The following SAMD5 variants were observed in gnomAD, a reference collection of about 807,000 sequenced individuals.
The protein encoded by SAMD5 is sterile alpha motif domain-containing protein 5.
A neutral mutation model predicts 11.3 loss-of-function variants in SAMD5; 13 were observed. The observed-to-expected ratio is 1.15, with a 90% CI of 0.75 to 1.83. The LOEUF (loss-of-function observed/expected upper bound fraction) is 1.83. Ranked by LOEUF, SAMD5 falls within the 40% of genes most tolerant of loss-of-function variation. The pLI is 0.00. For missense variants in SAMD5, 255 were observed against 239.1 expected (o/e 1.07, Z -0.44); for synonymous variants, 129 against 111.3 (o/e 1.16, Z -1.00).
chr6:147,672,077 G>A (rs531360544), intron 1 of SAMD5, among the ~76,000 whole-genome samples: 26 of 151,784 alleles, frequency 1.7e-4, no homozygotes, highest in African/African-American at 2.9e-4. Context: ...CAGGAACATG[G>A]TTAACCTCTC....
the SAMD5 span, among the ~76,000 whole-genome samples, chr6:147,926,079 A>G: frequency 5.3e-5 from 8 of 152,106 alleles, no homozygotes; most frequent in Admixed American, 3.3e-4. Context: ...TCTTCATCCA[A>G]TCTGTCGTTG....
At chr6:147,934,064 C>T in the SAMD5 span, among the ~76,000 whole-genome samples, 1 of 152,102 alleles carries the variant, frequency 6.6e-6, no homozygotes, top group African/African-American at 2.4e-5. Context: ...GGCATAATTC[C>T]CCCACCCACT....
chr6:147,731,602 G>T lies in SAMD5; in HGVS notation c.163-5715G>T, dbSNP rs1441012109. Among the ~76,000 whole-genome samples, 7 of 130,402 alleles carry T rather than the reference G, an allele frequency of 5.4e-5. No individual in the cohort carries two copies. The Admixed American group carries it at 6.3e-4, about 12-fold the overall frequency. The allele number at this position is 130,402 out of a possible 152,430, so 85.5% of individuals were successfully genotyped here. On this transcript the variant is annotated intron_variant, in intron 1 of 1. Coordinates refer to the SAMD5 transcript ENST00000566741. ...TTTAGTTTCCCAGTGAATAATCTAC[G>T]TTTAAAATTACTGTTAACACTTTAC...
At chr6:147,513,523 C>A (rs1472654571) in intron 1 of SAMD5, among the ~76,000 whole-genome samples, 2 of 152,094 alleles carry the variant, frequency 1.3e-5, no homozygotes, top group Non-Finnish European at 2.9e-5. Context: ...GTGTGAGATG[C>A]CTGTGGAATG....
At chr6:147,643,790 AAG>A (rs1790351237) in intron 1 of SAMD5, among the ~76,000 whole-genome samples, 2 of 151,328 alleles carry the variant, frequency 1.3e-5, no homozygotes, top group Admixed American at 1.3e-4. Flanking sequence ...GGAAGGAAGG[AAG>A]GAAAGAGAGA....
At chr6:147,600,403 C>T (rs1204310822) in intron 1 of SAMD5, among the ~76,000 whole-genome samples, 1 of 152,074 alleles carries the variant, frequency 6.6e-6, no homozygotes, top group South Asian at 2.1e-4. Flanking sequence ...TTCTTCTTGG[C>T]TTCAGATAGA....
At chr6:147,884,853 G>A in the SAMD5 span, among the ~76,000 whole-genome samples, 762 of 152,172 alleles carry the variant, frequency 5.0e-3, 4 homozygotes, top group Non-Finnish European at 6.3e-3. Flanking sequence ...TAGCTGTCTG[G>A]CGCAATATTT....
intron 1 of SAMD5, among the ~76,000 whole-genome samples, chr6:147,708,417 A>G (rs1478790934): frequency 6.6e-6 from 1 of 152,178 alleles, no homozygotes; most frequent in East Asian, 1.9e-4. Flanking sequence ...CTGTTGTTTA[A>G]GCCACCCAGT....
At chr6:147,532,778 A>C (rs1263268025) in intron 1 of SAMD5, among the ~76,000 whole-genome samples, 1 of 152,124 alleles carries the variant, frequency 6.6e-6, no homozygotes, top group African/African-American at 2.4e-5. Flanking sequence ...TTTTCACCAC[A>C]TCCACACCAA....
the SAMD5 span, among the ~76,000 whole-genome samples, chr6:147,845,971 C>G: frequency 6.6e-6 from 1 of 151,962 alleles, no homozygotes; most frequent in East Asian, 1.9e-4. Flanking sequence ...TAGAAACAAC[C>G]CAGGTTTCCA....
intron 1 of SAMD5, among the ~76,000 whole-genome samples, chr6:147,736,397 A>G (rs1405031638): frequency 6.6e-6 from 1 of 152,162 alleles, no homozygotes; most frequent in Non-Finnish European, 1.5e-5. Context: ...TTTCTCCCTA[A>G]TTTGATATGT....
the SAMD5 span, among the ~76,000 whole-genome samples, chr6:147,944,805 G>T: frequency 9.2e-5 from 14 of 152,262 alleles, no homozygotes; most frequent in Middle Eastern, 3.4e-3. Context: ...GTGTCAGCAG[G>T]GTTGACTCCT....
At chr6:147,652,632 C>T (rs1465787142) in intron 1 of SAMD5, among the ~76,000 whole-genome samples, 1 of 152,118 alleles carries the variant, frequency 6.6e-6, no homozygotes, top group Non-Finnish European at 1.5e-5. Flanking sequence ...ATCTCGGATC[C>T]CTATGTATTC....
chr6:147,733,391 G>A (rs1481756680), intron 1 of SAMD5, among the ~76,000 whole-genome samples: 1 of 152,124 alleles, frequency 6.6e-6, no homozygotes, highest in Non-Finnish European at 1.5e-5. Context: ...CTGGAAGTGT[G>A]GGTTTTGTGT....
intron 1 of SAMD5, among the ~76,000 whole-genome samples, chr6:147,511,207 C>T (rs1168475092): frequency 1.3e-5 from 2 of 152,146 alleles, no homozygotes; most frequent in Admixed American, 1.3e-4. Flanking sequence ...AGGTGAGAAG[C>T]GTAAGCTTGA....
the SAMD5 span, among the ~76,000 whole-genome samples, chr6:147,817,590 G>A: frequency 7.2e-5 from 11 of 152,188 alleles, no homozygotes; most frequent in Admixed American, 6.5e-5. Flanking sequence ...CAGACGCTTC[G>A]CTTTATTAAA....
chr6:147,592,885 C>T (rs992110971), intron 1 of SAMD5, among the ~76,000 whole-genome samples: 1 of 152,178 alleles, frequency 6.6e-6, no homozygotes, highest in Non-Finnish European at 1.5e-5. Flanking sequence ...CCATAACATT[C>T]ATCCACCATT....
the SAMD5 span, among the ~76,000 whole-genome samples, chr6:147,913,411 G>A: frequency 6.6e-6 from 1 of 152,142 alleles, no homozygotes; most frequent in Non-Finnish European, 1.5e-5. Flanking sequence ...AATATGAAAT[G>A]GGGGCTGGGG....
the SAMD5 span, among the ~76,000 whole-genome samples, chr6:147,768,746 T>A: frequency 6.6e-6 from 1 of 152,180 alleles, no homozygotes; most frequent in African/African-American, 2.4e-5. Flanking sequence ...ACTAAGGAAC[T>A]TATCCATCAC....
Sources: gnomAD v4.1 joint callset for allele counts (sites outside exome capture counted in the v4.1 genomes callset) on GRCh38, gnomAD v4.1.1 for gene constraint, MANE v1.5 for transcripts, NCBI Gene and HGNC (gene_info 2026-07-23, HGNC 2026-07-21) for gene names.